Variants in VRTN observed in about 807,000 individuals in gnomAD.
VRTN encodes vertebrae development associated, also known as vertnin.
Under a neutral mutation model 18.2 loss-of-function variants are expected in VRTN, and 5 were observed. The observed-to-expected ratio is 0.27, with a 90% CI of 0.14 to 0.58. The LOEUF is 0.58. Among genes scored for constraint, VRTN ranks in the 20% least tolerant of loss-of-function variants. VRTN has a pLI of 0.91. For synonymous variants in VRTN, 381 were observed against 393.7 expected (o/e 0.97, Z 0.38); for missense variants, 741 against 939.4 (o/e 0.79, Z 2.76).
intron 1 of VRTN, among the ~76,000 whole-genome samples, chr14:74,329,804 T>C (rs2085510236): frequency 6.6e-6 from 1 of 151,854 alleles, no homozygotes; most frequent in East Asian, 1.9e-4. Flanking sequence ...CTCGAACTCC[T>C]GACTTTAAGT....
intron 1 of VRTN, among the ~76,000 whole-genome samples, chr14:74,320,898 TAAAAAA>T (rs766559301): frequency 1.2e-5 from 1 of 83,590 alleles, no homozygotes; most frequent in East Asian, 3.3e-4. Flanking sequence ...CCCATCTCTT[TAAAAAA>T]AAAAAAAAAA....
At chr14:74,335,810 G>A (rs1263397079) in intron 1 of VRTN, among the ~76,000 whole-genome samples, 2 of 149,742 alleles carry the variant, frequency 1.3e-5, no homozygotes, top group East Asian at 2.0e-4. Context: ...GTATGGTCTC[G>A]GCTGACTGCA....
chr14:74,325,032 G>C (rs945716059), intron 1 of VRTN, among the ~76,000 whole-genome samples: 7 of 152,088 alleles, frequency 4.6e-5, no homozygotes, highest in South Asian at 4.1e-4. Context: ...AAACCAGTAG[G>C]GGGGAGTGTG....
chr14:74,341,549 G>A (rs536245858), intron 2 of VRTN, among the ~76,000 whole-genome samples: 30 of 152,248 alleles, frequency 2.0e-4, no homozygotes, highest in Non-Finnish European at 2.9e-4. Flanking sequence ...ACAGAGTTTT[G>A]CTCTTGTTGC....
chr14:74,326,819 C>G (rs1489235626), intron 1 of VRTN, among the ~76,000 whole-genome samples: 1 of 152,094 alleles, frequency 6.6e-6, no homozygotes, highest in East Asian at 1.9e-4. Context: ...CTCAGGCCCA[C>G]TGGACCCCAG....
At chr14:74,317,756 C>T (rs754959901) in intron 1 of VRTN, among the ~76,000 whole-genome samples, 29 of 152,050 alleles carry the variant, frequency 1.9e-4, no homozygotes, top group South Asian at 8.3e-4. Context: ...GAGCAGAGTT[C>T]GTGCCACTAT....
At chr14:74,319,051 G>A (rs967310776) in intron 1 of VRTN, among the ~76,000 whole-genome samples, 1 of 150,764 alleles carries the variant, frequency 6.6e-6, no homozygotes. Context: ...GTTTTGAGAT[G>A]GGGTCTCACT....
intron 1 of VRTN, among the ~76,000 whole-genome samples, chr14:74,307,320 G>C (rs2085359636): frequency 6.6e-6 from 1 of 151,720 alleles, no homozygotes; most frequent in Non-Finnish European, 1.5e-5. Context: ...AGTAGAGATG[G>C]AGTTTCACCA....
chr14:74,321,702 C>T (rs887516889), intron 1 of VRTN, among the ~76,000 whole-genome samples: 1 of 151,986 alleles, frequency 6.6e-6, no homozygotes, highest in Non-Finnish European at 1.5e-5. Context: ...CGGGGTTTCC[C>T]CATGTTGGCC....
Position 74,358,980 on chromosome 14 carries a change from T to C in VRTN, c.*88T>C. On this transcript the variant is annotated 3_prime_UTR_variant, in exon 2 of 2. Coordinates refer to ENST00000256362, the MANE Select transcript of VRTN (RefSeq NM_018228.3). This position sits in a 1 kb window ranked among gnomAD's most constrained non-coding sequence, Gnocchi z 5.4. ...GCTGACCCCAGGCTTGGCCAGGATG[T>C]CCTTTGCTCTGGGTCCCACAGTGTC... 6.7e-7 allele frequency: 1 copy of C among 1,488,754 alleles called. No homozygotes were observed. 92.2% of individuals were successfully genotyped at this position (1,488,754 alleles called of 1,614,324 possible). A position where few individuals can be genotyped will look rare whatever the true frequency, so the allele number is the denominator to read the frequency against.
intron 1 of VRTN, among the ~76,000 whole-genome samples, chr14:74,354,763 C>T (rs1178100927): frequency 1.3e-5 from 2 of 152,018 alleles, no homozygotes; most frequent in Non-Finnish European, 2.9e-5. Flanking sequence ...TGTAACAGCA[C>T]CCATTGGCTA....
In VRTN at chr14:74,357,716, T is replaced by A. The variant is rs760670180; in HGVS notation, c.933T>A (p.Ala311=). The A allele has an allele frequency of 5.6e-6, 9 of 1,613,574 alleles. No individual in the cohort carries two copies. The highest frequency in any genetic ancestry group is 6.8e-6 in the Non-Finnish European group (8 of 1,180,026). The change falls in exon 2 of 2, where the codon GCT becomes GCA. Residue 311 remains alanine, a synonymous_variant. Transcript: ENST00000256362. The surrounding 1 kb of genome is among the most constrained non-coding windows in gnomAD (Gnocchi z 7.8). ...CCCAGGAGCACCGGCAGAAGGTTGC[T>A]GCCCGCTTCTCCGCCAAGCACTTCC... The part of the protein sequence containing the change: ...RQSQEHRQKV[A]ARFSAKHFLQ...
At chr14:74,332,335 GTTTTTTTTTTTTTTTTTTTTTTTTTTTTT>G (rs67857502) in intron 1 of VRTN, among the ~76,000 whole-genome samples, 2 of 39,540 alleles carry the variant, frequency 5.1e-5, no homozygotes, top group African/African-American at 1.6e-4. Context: ...CTCCTAATCT[GTTTTTTTTTTTTTTTTTTTTTTTTTTTTT>G]TTTTTTTTTT....
chr14:74,342,753 T>C (rs2140207453), intron 2 of VRTN, among the ~76,000 whole-genome samples: 1 of 152,202 alleles, frequency 6.6e-6, no homozygotes, highest in Non-Finnish European at 1.5e-5. Flanking sequence ...TAGTTGGGAC[T>C]ACAGGCGCAT....
chr14:74,355,929 T>C (rs892427163), intron 1 of VRTN, among the ~76,000 whole-genome samples: 1 of 151,590 alleles, frequency 6.6e-6, no homozygotes, highest in African/African-American at 2.4e-5. Context: ...ATTCCCAGGC[T>C]CAGATGATCC....
intron 2 of VRTN, among the ~76,000 whole-genome samples, chr14:74,343,027 T>A (rs1437887116): frequency 6.6e-6 from 1 of 152,224 alleles, no homozygotes; most frequent in African/African-American, 2.4e-5. Context: ...ATTTTTCACC[T>A]ATTAGATTGA....
At chr14:74,348,848 T>C in intron 1 of VRTN, among the ~76,000 whole-genome samples, 196 bp downstream of exon 1, 1 of 150,704 alleles carries the variant, frequency 6.6e-6, no homozygotes, top group African/African-American at 2.4e-5. Flanking sequence ...TCAAGCTCTC[T>C]TTCTCCCCAC....
intron 1 of VRTN, among the ~76,000 whole-genome samples, chr14:74,315,259 G>A (rs997647164): frequency 6.6e-6 from 1 of 152,120 alleles, no homozygotes; most frequent in Non-Finnish European, 1.5e-5. Context: ...TGTCGCCCAG[G>A]CTGGCTTGTA....
At chr14:74,326,649 A>G (rs1240239371) in intron 1 of VRTN, among the ~76,000 whole-genome samples, 1 of 152,064 alleles carries the variant, frequency 6.6e-6, no homozygotes, top group African/African-American at 2.4e-5. Context: ...TACATAGCCA[A>G]GCCCTGGAAC....
Sources: gnomAD v4.1 joint callset for allele counts (sites outside exome capture counted in the v4.1 genomes callset) on GRCh38, gnomAD v4.1.1 for gene constraint, Gnocchi (gnomAD v3.1) non-coding constraint, MANE v1.5 for transcripts, NCBI Gene and HGNC (gene_info 2026-07-23, HGNC 2026-07-21) for gene names.